Variants in DHX35 observed in about 807,000 individuals in gnomAD.
DHX35 encodes the protein DEAH-box helicase 35, also known as probable ATP-dependent RNA helicase DHX35.
DHX35 carries 84 observed loss-of-function variants against 99.6 expected under a neutral mutation model. That is an observed-to-expected ratio of 0.84 (90% CI 0.71 to 1.01). DHX35 has a LOEUF of 1.01. Ranked by LOEUF, DHX35 falls within the 50% of genes least tolerant of loss-of-function variation. The pLI is 0.00. For missense variants in DHX35, 852 were observed against 888.5 expected, an observed-to-expected ratio of 0.96 and a Z score of 0.52; for synonymous variants, 331 against 316.2, an observed-to-expected ratio of 1.05 and a Z score of -0.50.
In DHX35 at chr20:39,028,502, A is replaced by G; in HGVS notation, c.1883+3A>G. 3 of 1,614,156 alleles carry G rather than the reference A, an allele frequency of 1.9e-6. No homozygotes were observed. The highest frequency in any genetic ancestry group is 2.5e-6 in the Non-Finnish European group (3 of 1,179,940). On this transcript the variant is annotated splice_donor_region_variant and intron_variant, in intron 19 of 21. Transcript: ENST00000252011. Reference sequence around the variant, plus strand: ...TTTCATTCTACTGGAGCTTATAGGTAACATGATACTTGGTGAAGTCATTTG... The same window carrying G: ...TTTCATTCTACTGGAGCTTATAGGTGACATGATACTTGGTGAAGTCATTTG...
chr20:39,000,490 G>C (rs1418019200), intron 8 of DHX35, among the ~76,000 whole-genome samples: 4 of 152,210 alleles, frequency 2.6e-5, no homozygotes, highest in Admixed American at 6.5e-5. Context: ...CAGGAGTACT[G>C]TGTGGAATTC....
rs2087125783 is a variant in DHX35, at chr20:39,035,019, CA to C, written c.2067+705del. ...AAGTGGTGCTCCTGCCTTGGTCTCC[CA>C]AATTGCTGGGATTACAGGTGTGAGC... On this transcript the variant is annotated intron_variant, in intron 21 of 21. Coordinates refer to ENST00000252011, the MANE Select transcript of DHX35 (RefSeq NM_021931.4). Among the ~76,000 whole-genome samples the C allele has an allele frequency of 2.6e-5, 4 of 152,160 alleles. No homozygotes were observed. In the South Asian group the frequency reaches 8.3e-4, roughly 31 times the overall value.
intron 15 of DHX35, among the ~76,000 whole-genome samples, chr20:39,020,503 G>A (rs950695515): frequency 5.9e-5 from 9 of 152,026 alleles, no homozygotes; most frequent in Non-Finnish European, 1.2e-4. Flanking sequence ...TTTTACCTCT[G>A]GGAAAGACAG....
At chr20:39,011,761 A>G (rs920292746) in intron 13 of DHX35, among the ~76,000 whole-genome samples, 4 of 152,250 alleles carry the variant, frequency 2.6e-5, no homozygotes, top group Admixed American at 6.5e-5. Context: ...CCAACTGTAT[A>G]TGATATGACA....
intron 15 of DHX35, among the ~76,000 whole-genome samples, chr20:39,020,656 CTTTTT>C (rs57246257): frequency 6.7e-5 from 7 of 105,214 alleles, no homozygotes; most frequent in African/African-American, 1.2e-4. Context: ...AAACAGGATT[CTTTTT>C]TTTTTTTTTT....
chr20:39,025,882 G>A (rs1211401407), intron 18 of DHX35, among the ~76,000 whole-genome samples: 1 of 152,206 alleles, frequency 6.6e-6, no homozygotes, highest in Admixed American at 6.5e-5. Context: ...GTTACGCTGT[G>A]GCAGGGGTTC....
chr20:38,996,958 C>T (rs1310317461), intron 8 of DHX35, among the ~76,000 whole-genome samples: 2 of 152,004 alleles, frequency 1.3e-5, no homozygotes, highest in Admixed American at 6.6e-5. Context: ...TTTCACCCCC[C>T]ACCTTAAAAA....
intron 1 of DHX35, among the ~76,000 whole-genome samples, chr20:38,968,788 G>A (rs1158145896): frequency 6.6e-5 from 10 of 152,162 alleles, no homozygotes; most frequent in Admixed American, 5.9e-4. Flanking sequence ...CTGAGCTCAG[G>A]CAATCCGCCC....
chr20:39,017,099 G>A lies in DHX35; in HGVS notation c.1403-1705G>A, dbSNP rs1363104072. 2.0e-5 allele frequency among the ~76,000 whole-genome samples: 3 copies of A among 152,078 alleles called. No individual in the cohort carries two copies. The East Asian group carries it at 5.8e-4, about 29-fold the overall frequency. On this transcript the variant is annotated intron_variant, in intron 14 of 21. Coordinates refer to ENST00000252011, the MANE Select transcript of DHX35 (RefSeq NM_021931.4). ...TTGTTACGTGTGCCCTTGGTGTCAT[G>A]TCTAAGAAACTTGCCTAACTTGTAG...
At chr20:38,989,084 C>T (rs1473476280) in intron 5 of DHX35, among the ~76,000 whole-genome samples, 167 bp downstream of exon 5, 1 of 149,546 alleles carries the variant, frequency 6.7e-6, no homozygotes, top group African/African-American at 2.5e-5. Context: ...AGACAGAGAG[C>T]TCTTCCTTTT....
intron 18 of DHX35, among the ~76,000 whole-genome samples, chr20:39,026,152 A>G (rs1273706073): frequency 1.3e-5 from 2 of 152,130 alleles, no homozygotes; most frequent in African/African-American, 2.4e-5. Context: ...ACTTGGTAAC[A>G]TTTCCTGAGT....
intron 4 of DHX35, among the ~76,000 whole-genome samples, chr20:38,985,917 C>G (rs1355464643): frequency 1.3e-5 from 2 of 152,208 alleles, no homozygotes; most frequent in African/African-American, 4.8e-5. Context: ...AGCCTAAAAA[C>G]AGATTGCATA....
chr20:38,963,255 A>G (rs758038953), intron 1 of DHX35, among the ~76,000 whole-genome samples: 5 of 152,270 alleles, frequency 3.3e-5, no homozygotes, highest in Non-Finnish European at 7.3e-5. Context: ...TTTTTAAATT[A>G]CAGCTACCAG....
intron 8 of DHX35, among the ~76,000 whole-genome samples, chr20:38,995,839 G>T (rs1398690720): frequency 3.3e-5 from 5 of 152,202 alleles, no homozygotes; most frequent in Admixed American, 6.5e-5. Flanking sequence ...ATGGATGAAG[G>T]TGGGGAAGGG....
Position 39,023,704 on chromosome 20 carries a change from T to C in DHX35, c.1608T>C (p.Arg536=). ...ATTCTTTCCAGATTCGAGTGCACCG[T>C]AAATTTGCTGTGGAGGAGGGCGACC... ...NQKSHAIRVH[R]KFAVEEGDHL... is the part of the protein sequence containing the mutation. Residue 536 remains arginine (R), a synonymous_variant, in exon 17 of 22, where the codon CGT becomes CGC. Coordinates refer to ENST00000252011, the MANE Select transcript of DHX35 (RefSeq NM_021931.4). 2 of 1,614,076 alleles carry C rather than the reference T, an allele frequency of 1.2e-6. No individual in the cohort carries two copies. The highest frequency in any genetic ancestry group is 8.5e-7 in the Non-Finnish European group (1 of 1,179,970).
intron 7 of DHX35, among the ~76,000 whole-genome samples, chr20:38,993,239 A>G (rs1220424254): frequency 1.3e-5 from 2 of 152,262 alleles, no homozygotes; most frequent in Non-Finnish European, 2.9e-5. Flanking sequence ...CTGTGCTGGT[A>G]TACTTTCCTT....
Position 39,033,249 on chromosome 20 carries a change from T to G in DHX35, c.1956-957T>G, listed in dbSNP as rs573811253. Among the ~76,000 whole-genome samples the G allele has an allele frequency of 2.1e-4, 32 of 152,262 alleles. 2 individuals carry two copies. The South Asian group carries it at 6.2e-3, about 30-fold the overall frequency. On this transcript the variant is annotated intron_variant, in intron 20 of 21. Coordinates refer to ENST00000252011, the MANE Select transcript of DHX35 (RefSeq NM_021931.4). ...AGACCCTGCCTTTAAAAAATTTTTT[T>G]TTTTAAATCAAGAGAGATGCAAAAC... is the stretch of plus-strand genomic sequence containing the variant.
chr20:39,003,772 G>C lies in DHX35; in HGVS notation c.876G>C (p.Ser292=). 1.2e-6 allele frequency: 2 copies of C among 1,613,962 alleles called. No homozygotes were observed. Among genetic ancestry groups the C allele is most frequent in the African/African-American group, 2.7e-5 (2 of 75,010 alleles). ...AGGAAGAGGTAGAAACTGTTGTGTC[G>C]ATGCTCATCGAGCAGGCTCGAGCAC... The part of the protein sequence containing the change: ...TGQEEVETVV[S]MLIEQARALA... Residue 292 remains serine, a synonymous_variant, in exon 11 of 22, where the codon TCG becomes TCC. Transcript: ENST00000252011.
At chr20:38,975,391 TA>T (rs1378630613) in intron 3 of DHX35, among the ~76,000 whole-genome samples, 2 of 152,210 alleles carry the variant, frequency 1.3e-5, no homozygotes, top group African/African-American at 4.8e-5. Context: ...GAGAGTAATA[TA>T]ACAATAGTAT....
Sources: gnomAD v4.1 joint callset for allele counts (sites outside exome capture counted in the v4.1 genomes callset) on GRCh38, gnomAD v4.1.1 for gene constraint, MANE v1.5 for transcripts, NCBI Gene and HGNC (gene_info 2026-07-23, HGNC 2026-07-21) for gene names.